Variants in OPCML observed in about 807,000 individuals in gnomAD.
OPCML encodes the protein opioid binding protein/cell adhesion molecule like, also known as opioid-binding protein/cell adhesion molecule.
Under a neutral mutation model 37.8 loss-of-function variants are expected in OPCML, and 13 were observed. That is an observed-to-expected ratio of 0.34 (90% CI 0.22 to 0.55). OPCML has a LOEUF of 0.55. Among genes scored for constraint, OPCML ranks in the 20% least tolerant of loss-of-function variants. The pLI is 0.91. For missense variants in OPCML, 341 were observed against 435.6 expected (o/e 0.78, Z 1.93); for synonymous variants, 176 against 168.8 (o/e 1.04, Z -0.33).
chr11:132,946,689 C>T (rs1945751661), intron 1 of OPCML, among the ~76,000 whole-genome samples: 2 of 152,140 alleles, frequency 1.3e-5, no homozygotes, highest in African/African-American at 2.4e-5. Flanking sequence ...CAGTGGGGTC[C>T]AGGTCTCATC....
At chr11:132,603,942 G>A (rs1483096144) in intron 3 of OPCML, among the ~76,000 whole-genome samples, 2 of 152,012 alleles carry the variant, frequency 1.3e-5, no homozygotes, top group East Asian at 1.9e-4. Flanking sequence ...AATACTTTAC[G>A]GATACTTTAT....
intron 1 of OPCML, among the ~76,000 whole-genome samples, chr11:133,324,612 T>C (rs1197214692): frequency 1.3e-5 from 2 of 152,194 alleles, no homozygotes; most frequent in Non-Finnish European, 2.9e-5. Context: ...GTGGGCTGTC[T>C]CTCTGAGGGC....
intron 3 of OPCML, among the ~76,000 whole-genome samples, chr11:132,556,875 A>C (rs907383095): frequency 6.6e-6 from 1 of 152,146 alleles, no homozygotes; most frequent in Admixed American, 6.5e-5. Flanking sequence ...TCCTAGGCGG[A>C]TATTAAACTC....
At position 133,173,149 on chromosome 11, in the gene OPCML, TA is replaced by T. The variant is rs1950310824; in HGVS notation, c.62-230140del. On this transcript the variant is annotated intron_variant, in intron 1 of 7. Coordinates refer to ENST00000524381, the MANE Select transcript of OPCML (RefSeq NM_001012393.5). This position sits in a 1 kb window ranked among gnomAD's most constrained non-coding sequence, Gnocchi z 7.8. ...ATTTCCAACAACCACACCCATGCTT[TA>T]AAAAAATTACATGTGAGGGAATATT... 6.6e-6 allele frequency among the ~76,000 whole-genome samples: 1 copy of T among 152,176 alleles called. No individual in the cohort carries two copies. The highest frequency in any genetic ancestry group is 2.1e-4 in the South Asian group (1 of 4,822).
intron 1 of OPCML, among the ~76,000 whole-genome samples, chr11:133,430,691 A>C (rs1012858320): frequency 6.6e-6 from 1 of 152,240 alleles, no homozygotes; most frequent in African/African-American, 2.4e-5. Context: ...TGAAACACCA[A>C]GGGAAAGTTC....
At chr11:133,411,482 G>A (rs1179680259) in intron 1 of OPCML, among the ~76,000 whole-genome samples, 2 of 152,312 alleles carry the variant, frequency 1.3e-5, no homozygotes, top group African/African-American at 4.8e-5. Context: ...CCCTTGGGAA[G>A]AAATGCAGTC....
chr11:133,166,493 G>C (rs575372430), intron 1 of OPCML, among the ~76,000 whole-genome samples: 38 of 152,358 alleles, frequency 2.5e-4, no homozygotes, highest in African/African-American at 8.7e-4. Context: ...ACTTTTCTAT[G>C]TGTGGTGTAG....
At chr11:133,291,667 G>A (rs1485900732) in intron 1 of OPCML, among the ~76,000 whole-genome samples, 1 of 152,212 alleles carries the variant, frequency 6.6e-6, no homozygotes, top group African/African-American at 2.4e-5. Flanking sequence ...GATCACACAG[G>A]CTTATAGCCC....
At chr11:132,935,075 G>A (rs1159932005) in intron 2 of OPCML, among the ~76,000 whole-genome samples, 1 of 151,512 alleles carries the variant, frequency 6.6e-6, no homozygotes, top group Non-Finnish European at 1.5e-5. Context: ...GGAGGTGGAG[G>A]TTGCGGTGAG....
intron 2 of OPCML, among the ~76,000 whole-genome samples, chr11:132,669,287 G>A (rs948700040): frequency 6.6e-6 from 1 of 152,082 alleles, no homozygotes; most frequent in African/African-American, 2.4e-5. Flanking sequence ...CGCTGAAGGA[G>A]ATGAGGGACA....
chr11:132,644,705 C>A (rs1323033282), intron 3 of OPCML, among the ~76,000 whole-genome samples: 1 of 152,164 alleles, frequency 6.6e-6, no homozygotes, highest in African/African-American at 2.4e-5. Flanking sequence ...AAAAGGAATC[C>A]TCCTGGCAGT....
chr11:133,251,284 A>G lies in OPCML; in HGVS notation c.61+280980T>C, dbSNP rs1040542581. ...ACGGGAGCCATTTTATAGAACAGAA[A>G]AAAAGGATTATATGGCAGGACTGGG... On this transcript the variant is annotated intron_variant, in intron 1 of 7. Coordinates refer to ENST00000524381, the MANE Select transcript of OPCML (RefSeq NM_001012393.5). Among the ~76,000 whole-genome samples, 4 of 152,218 alleles carry G rather than the reference A, an allele frequency of 2.6e-5. No individual in the cohort carries two copies. In the East Asian group the frequency reaches 7.7e-4, roughly 29 times the overall value.
chr11:133,054,164 G>A (rs1004627550), intron 1 of OPCML, among the ~76,000 whole-genome samples: 1 of 152,118 alleles, frequency 6.6e-6, no homozygotes, highest in Non-Finnish European at 1.5e-5. Flanking sequence ...TCCAGGCATA[G>A]GACCACTGCA....
intron 1 of OPCML, among the ~76,000 whole-genome samples, chr11:133,064,221 C>G (rs915103934): frequency 6.6e-6 from 1 of 152,156 alleles, no homozygotes; most frequent in Non-Finnish European, 1.5e-5. Flanking sequence ...CCGACCCCAG[C>G]GCAACCCAGC....
At chr11:132,854,454 G>C (rs1941964791) in intron 2 of OPCML, among the ~76,000 whole-genome samples, 1 of 152,152 alleles carries the variant, frequency 6.6e-6, no homozygotes, top group South Asian at 2.1e-4. Flanking sequence ...CAGGTTGGAG[G>C]TTGGGAGTGA....
In OPCML at chr11:132,798,917, G is replaced by T. The variant is rs150177540; in HGVS notation, c.147-141598C>A. Reference sequence around the variant, plus strand: ...GTGAATCTTTTTTTCTGAGTAGCAAGTCTCAACTGTGGGTTCAAAATATGC... The same window carrying T: ...GTGAATCTTTTTTTCTGAGTAGCAATTCTCAACTGTGGGTTCAAAATATGC... On this transcript the variant is annotated intron_variant, in intron 2 of 7. Transcript: ENST00000524381. 2.8e-3 allele frequency among the ~76,000 whole-genome samples: 432 copies of T among 152,328 alleles called. 5 individuals carry two copies. The highest frequency in any genetic ancestry group is 9.0e-3 in the African/African-American group (375 of 41,562).
chr11:132,501,517 C>T (rs1186527321), intron 4 of OPCML, among the ~76,000 whole-genome samples: 1 of 152,138 alleles, frequency 6.6e-6, no homozygotes, highest in Non-Finnish European at 1.5e-5. Flanking sequence ...ATTTGCTGAA[C>T]ATTTTTGCTT....
At chr11:133,214,023 A>G (rs185591808) in intron 1 of OPCML, among the ~76,000 whole-genome samples, 11 of 152,302 alleles carry the variant, frequency 7.2e-5, no homozygotes, top group Admixed American at 2.0e-4. Context: ...TGAGCTCTGT[A>G]CTCAATGGCA....
intron 1 of OPCML, among the ~76,000 whole-genome samples, chr11:133,309,894 C>T (rs546568862): frequency 6.6e-6 from 1 of 152,254 alleles, no homozygotes; most frequent in African/African-American, 2.4e-5. Flanking sequence ...GAATGCAATG[C>T]TTGAAGGGCA....
Sources: allele counts gnomAD v4.1 joint callset (sites outside exome capture counted in the v4.1 genomes callset), GRCh38; gene constraint gnomAD v4.1.1; non-coding constraint Gnocchi (gnomAD v3.1); transcripts MANE v1.5; gene names NCBI Gene and HGNC (gene_info 2026-07-23, HGNC 2026-07-21).